ZC3H12B: variants seen among roughly 807,000 people sequenced by gnomAD.
The protein encoded by ZC3H12B is zinc finger CCCH-type containing 12B, also known as probable ribonuclease ZC3H12B.
Under a neutral mutation model 43.9 loss-of-function variants are expected in ZC3H12B, and 7 were observed. That is an observed-to-expected ratio of 0.16 (90% CI 0.09 to 0.30). The LOEUF is 0.30. ZC3H12B is among the 10% of genes least tolerant of loss of function. The probability of loss-of-function intolerance (pLI) is 1.00; values close to 1 mark genes in which losing one functional copy is unlikely to be tolerated. For missense variants in ZC3H12B, 475 were observed against 670.2 expected (o/e 0.71, Z 3.22); for synonymous variants, 222 against 241.7 (o/e 0.92, Z 0.76).
intron 3 of ZC3H12B, among the ~76,000 whole-genome samples, chrX:65,418,969 G>T (rs1048771284): frequency 9.0e-6 from 1 of 111,661 alleles, no homozygotes; most frequent in Non-Finnish European, 1.9e-5. Context: ...AGGATTACTG[G>T]ACATTAGATC....
chrX:65,483,505 G>C (rs1187898496), intron 3 of ZC3H12B, among the ~76,000 whole-genome samples: 1 of 111,426 alleles, frequency 9.0e-6, no homozygotes, highest in East Asian at 2.8e-4. Context: ...TTACTTTATA[G>C]TTCTTTCTGG....
At chrX:65,378,131 A>G (rs1035513729) in intron 2 of ZC3H12B, among the ~76,000 whole-genome samples, 2 of 110,833 alleles carry the variant, frequency 1.8e-5, no homozygotes, top group African/African-American at 3.3e-5. Flanking sequence ...ACCTTACAAT[A>G]CTCACTGATA....
chrX:65,478,414 T>C (rs894849869), intron 3 of ZC3H12B, among the ~76,000 whole-genome samples: 6 of 112,240 alleles, frequency 5.3e-5, no homozygotes, highest in African/African-American at 1.9e-4. Flanking sequence ...GCATATCTCA[T>C]AATTTTTTTG....
At chrX:65,389,778 G>A (rs193209214) in intron 2 of ZC3H12B, among the ~76,000 whole-genome samples, 11 of 112,394 alleles carry the variant, frequency 9.8e-5, no homozygotes, top group Admixed American at 1.9e-4. Flanking sequence ...TTGGCTCCAC[G>A]CCCAATAGGA....
At chrX:65,211,676 TA>T in the ZC3H12B span, among the ~76,000 whole-genome samples, 12 of 89,622 alleles carry the variant, frequency 1.3e-4, no homozygotes, top group South Asian at 2.4e-3. Context: ...ATATATTATA[TA>T]ATTATATATA....
chrX:65,380,798 G>A (rs981619260), intron 2 of ZC3H12B, among the ~76,000 whole-genome samples: 1 of 111,312 alleles, frequency 9.0e-6, no homozygotes, highest in Admixed American at 9.6e-5. Flanking sequence ...GGCAGGGGTT[G>A]CAATCCTAGT....
intron 3 of ZC3H12B, among the ~76,000 whole-genome samples, chrX:65,438,238 A>AT (rs374120863): frequency 1.0e-3 from 110 of 109,683 alleles, no homozygotes; most frequent in South Asian, 8.4e-3. Context: ...TTTTTAAAGT[A>AT]TTTTTTTTTA....
the ZC3H12B span, among the ~76,000 whole-genome samples, chrX:65,035,735 A>G: frequency 9.0e-6 from 1 of 110,702 alleles, no homozygotes; most frequent in Admixed American, 9.6e-5. Context: ...CTTACTTTTC[A>G]GTGTTGTTGC....
chrX:65,071,063 G>T, the ZC3H12B span, among the ~76,000 whole-genome samples: 35 of 107,893 alleles, frequency 3.2e-4, 1 homozygote, highest in South Asian at 0.014. Context: ...TTGAAGTGTC[G>T]CACTATTATT....
chrX:65,365,439 C>A (rs2066160764), upstream of ZC3H12B, among the ~76,000 whole-genome samples: 1 of 111,114 alleles, frequency 9.0e-6, no homozygotes, highest in Non-Finnish European at 1.9e-5. Context: ...GTCTATACAA[C>A]AAATGCTACT....
chrX:65,257,126 C>T, the ZC3H12B span, among the ~76,000 whole-genome samples: 18 of 112,003 alleles, frequency 1.6e-4, no homozygotes, highest in African/African-American at 5.5e-4. Context: ...GGATTATAAA[C>T]CATGCTGCCA....
chrX:65,460,234 C>A (rs760099755), intron 3 of ZC3H12B, among the ~76,000 whole-genome samples: 1 of 111,796 alleles, frequency 8.9e-6, no homozygotes, highest in East Asian at 2.8e-4. Flanking sequence ...GAAGAACATT[C>A]CATGCTCATG....
chrX:65,290,250 C>A, the ZC3H12B span, among the ~76,000 whole-genome samples: 7 of 109,978 alleles, frequency 6.4e-5, no homozygotes, highest in African/African-American at 2.3e-4. Flanking sequence ...TCACTAATCA[C>A]CAGAAAAATG....
chrX:65,155,682 C>T, the ZC3H12B span, among the ~76,000 whole-genome samples: 3 of 110,234 alleles, frequency 2.7e-5, no homozygotes, highest in African/African-American at 6.6e-5. Context: ...GGTGAAACCT[C>T]GTCTGTACAG....
chrX:65,057,345 C>T, the ZC3H12B span, among the ~76,000 whole-genome samples: 8 of 111,448 alleles, frequency 7.2e-5, no homozygotes, highest in African/African-American at 2.6e-4. Flanking sequence ...ACTTATGAAG[C>T]TTAGTTTGGC....
At chrX:65,093,360 G>T in the ZC3H12B span, among the ~76,000 whole-genome samples, 526 of 111,973 alleles carry the variant, frequency 4.7e-3, 1 homozygote, top group Non-Finnish European at 8.1e-3. Context: ...GCCTGGTGAA[G>T]CTATGAGAAG....
chrX:65,405,401 A>G (rs766114890), intron 3 of ZC3H12B, among the ~76,000 whole-genome samples: 1 of 112,146 alleles, frequency 8.9e-6, no homozygotes, highest in South Asian at 3.7e-4. Flanking sequence ...AGGCGGATCA[A>G]TTCAAGTCAG....
chrX:65,316,015 T>C, the ZC3H12B span, among the ~76,000 whole-genome samples: 1 of 111,658 alleles, frequency 9.0e-6, no homozygotes, highest in Non-Finnish European at 1.9e-5. Context: ...GCTTCAAGAA[T>C]TTAATAATAT....
At chrX:65,237,118 A>T in the ZC3H12B span, among the ~76,000 whole-genome samples, 2 of 111,984 alleles carry the variant, frequency 1.8e-5, no homozygotes, top group Middle Eastern at 4.2e-3. Context: ...ATAGCATTGG[A>T]TGTATAAATT....
Sources: allele counts gnomAD v4.1 joint callset (sites outside exome capture counted in the v4.1 genomes callset), GRCh38; gene constraint gnomAD v4.1.1; transcripts MANE v1.5; gene names NCBI Gene and HGNC (gene_info 2026-07-23, HGNC 2026-07-21).